Variants in CRTAP observed in about 807,000 individuals in gnomAD.
The protein encoded by CRTAP is cartilage associated protein, also known as cartilage-associated protein.
A neutral mutation model predicts 42.7 loss-of-function variants in CRTAP; 33 were observed. The observed-to-expected ratio is 0.77, with a 90% CI of 0.59 to 1.03. The LOEUF (loss-of-function observed/expected upper bound fraction) is 1.03, where lower values mean the gene tolerates loss of function less well. CRTAP is among the 50% of genes least tolerant of loss of function. The pLI is 0.00. For missense variants in CRTAP, 613 were observed against 533.9 expected (o/e 1.15, Z -1.46); for synonymous variants, 243 against 217.7 (o/e 1.12, Z -1.02).
chr3:33,118,297 T>G (rs998061585), intron 1 of CRTAP, among the ~76,000 whole-genome samples: 1 of 152,194 alleles, frequency 6.6e-6, no homozygotes, highest in African/African-American at 2.4e-5. Flanking sequence ...TGAGAATTAG[T>G]GACTCTAATT....
At position 33,132,591 on chromosome 3, in the gene CRTAP, G is replaced by A. The variant is rs2125603844; in HGVS notation, c.959G>A (p.Ser320Asn). The A allele has an allele frequency of 5.6e-6, 9 of 1,614,158 alleles. No individual in the cohort carries two copies. The highest frequency in any genetic ancestry group is 7.6e-6 in the Non-Finnish European group (9 of 1,180,002). Reference protein sequence around the residue: ...DLKNAAPCAVSYLLFDQNDKV... With the variant: ...DLKNAAPCAVNYLLFDQNDKV... The stretch of plus-strand genomic sequence containing the variant: ...AAGAATGCAGCCCCCTGTGCAGTCA[G>A]CTATCTGCTCTTTGATCAGAATGAC... Residue 320 changes from serine (S) to asparagine (N), a missense_variant, in exon 5 of 7, where the codon AGC becomes AAC. Physicochemically the swap from Ser to Asn is conservative, Grantham distance 46. Coordinates refer to ENST00000320954, the MANE Select transcript of CRTAP (RefSeq NM_006371.5).
At chr3:33,114,629 GGGCCGCGTTGCC>G in intron 1 of CRTAP, 81 bp downstream of exon 1, 1 of 1,361,236 alleles carries the variant, frequency 7.3e-7, no homozygotes, top group Non-Finnish European at 1.0e-6. Flanking sequence ...CCTGCGCCCG[GGGCCGCGTTGCC>G]CCTCCAGTTC....
chr3:33,138,268 T>C (rs1342017156), intron 6 of CRTAP, among the ~76,000 whole-genome samples: 1 of 152,182 alleles, frequency 6.6e-6, no homozygotes, highest in Non-Finnish European at 1.5e-5. Context: ...GTTTAGCTTT[T>C]CAGTTTTTGC....
Position 33,127,588 on chromosome 3 carries a change from C to T in CRTAP, c.794-2351C>T, listed in dbSNP as rs147243070. ...TCAGCCTCCCGAGTAGCTGGGATTA[C>T]AGGCATGCACCAACACGTCTGGCTA... On this transcript the variant is annotated intron_variant, in intron 3 of 6. Transcript: ENST00000320954. Among the ~76,000 whole-genome samples, 411 of 151,868 alleles carry T rather than the reference C, an allele frequency of 2.7e-3. 1 individual carries two copies. Among genetic ancestry groups the T allele is most frequent in the African/African-American group, 9.5e-3 (392 of 41,376 alleles).
chr3:33,137,099 G>A (rs1440958716), intron 6 of CRTAP, among the ~76,000 whole-genome samples: 4 of 151,842 alleles, frequency 2.6e-5, no homozygotes, highest in Non-Finnish European at 5.9e-5. Flanking sequence ...GCTAGTGGAT[G>A]CAAGTAGTAT....
intron 6 of CRTAP, among the ~76,000 whole-genome samples, chr3:33,142,090 A>AGGG (rs2030589201): frequency 6.6e-6 from 1 of 152,158 alleles, no homozygotes; most frequent in Non-Finnish European, 1.5e-5. Flanking sequence ...GAGGGGAGGA[A>AGGG]GGGGAGTAGG....
At chr3:33,128,995 T>G (rs1354521975) in intron 3 of CRTAP, among the ~76,000 whole-genome samples, 3 of 152,274 alleles carry the variant, frequency 2.0e-5, no homozygotes, top group African/African-American at 7.2e-5. Context: ...TAGGTTCACC[T>G]TACTCTCTTT....
intron 2 of CRTAP, among the ~76,000 whole-genome samples, chr3:33,122,898 G>A (rs13082378): frequency 1.3e-5 from 2 of 151,604 alleles, no homozygotes; most frequent in East Asian, 3.9e-4. Flanking sequence ...AGCAGGTTTT[G>A]TGTGTATCCA....
At chr3:33,131,253 G>GTT (rs57105062) in intron 4 of CRTAP, among the ~76,000 whole-genome samples, 50 of 140,508 alleles carry the variant, frequency 3.6e-4, no homozygotes, top group African/African-American at 1.1e-3. Flanking sequence ...TGGTAATTGT[G>GTT]TTTTTTTTTT....
chr3:33,120,234 GA>G, intron 1 of CRTAP, 109 bp from the exon 2 acceptor site: 2 of 1,013,516 alleles, frequency 2.0e-6, no homozygotes, highest in Non-Finnish European at 3.1e-6. Flanking sequence ...CCTTTAGCTG[GA>G]AAAGTTATAG....
In CRTAP at chr3:33,114,050, C is replaced by G; in HGVS notation, c.-28C>G. The G allele has an allele frequency of 7.4e-7, 1 of 1,345,080 alleles. No homozygotes were observed. Among genetic ancestry groups the G allele is most frequent in the Non-Finnish European group, 9.8e-7 (1 of 1,019,926 alleles). The allele number at this position is 1,345,080 out of a possible 1,614,324, so 83.3% of individuals were successfully genotyped here. A position where few individuals can be genotyped will look rare whatever the true frequency, so the allele number is the denominator to read the frequency against. On this transcript the variant is annotated 5_prime_UTR_variant, in exon 1 of 7. Transcript: ENST00000320954. ...CCCTCCCCTTTTCCCTTCCTTCGTC[C>G]CTTCCTTCCTTCCTTTCGCCGGGCG...
At chr3:33,122,493 G>A (rs921908204) in intron 2 of CRTAP, among the ~76,000 whole-genome samples, 3 of 151,900 alleles carry the variant, frequency 2.0e-5, no homozygotes, top group African/African-American at 4.8e-5. Flanking sequence ...TGGATCACGA[G>A]GTCAGGAGTT....
In CRTAP at chr3:33,114,459, G is replaced by A; in HGVS notation, c.382G>A (p.Ala128Thr). ...CAAGCGCTGCAAGCAGGGCCTGCCA[G>A]CCTTCCGCCAGTCCCAGCCCAGCCG... is the stretch of plus-strand genomic sequence containing the variant. The part of the protein sequence containing the change: ...CLKRCKQGLP[A>T]FRQSQPSREV... Residue 128 changes from alanine to threonine, a missense_variant, in exon 1 of 7, where the codon GCC becomes ACC. Ala to Thr is a moderately conservative substitution (Grantham distance 58, BLOSUM62 0). Coordinates refer to ENST00000320954, the MANE Select transcript of CRTAP (RefSeq NM_006371.5). The A allele has an allele frequency of 6.3e-7, 1 of 1,587,746 alleles. No homozygotes were observed. Among genetic ancestry groups the A allele is most frequent in the Non-Finnish European group, 8.6e-7 (1 of 1,169,308 alleles).
chr3:33,144,306 T>A lies in CRTAP; in HGVS notation c.*1858T>A, dbSNP rs4678476. 0.93 allele frequency: 141,985 copies of A among 152,326 alleles called. 66,620 individuals carry two copies. Among genetic ancestry groups the A allele is most frequent in the Non-Finnish European group, 0.99 (67,598 of 68,094 alleles). 9.4% of individuals were successfully genotyped at this position (152,326 alleles called of 1,614,324 possible). ...TAGGGAAGGATGGGCTGGGTAAGTA[T>A]GGAATTTGGTGCAAAGCAGGCTGTC... On this transcript the variant is annotated 3_prime_UTR_variant, in exon 7 of 7. Coordinates refer to ENST00000320954, the MANE Select transcript of CRTAP (RefSeq NM_006371.5).
At chr3:33,116,744 T>C (rs1701347302) in intron 1 of CRTAP, among the ~76,000 whole-genome samples, 1 of 152,220 alleles carries the variant, frequency 6.6e-6, no homozygotes, top group African/African-American at 2.4e-5. Context: ...GTTACTTAAT[T>C]GTTTCAATGG....
intron 3 of CRTAP, among the ~76,000 whole-genome samples, chr3:33,126,112 G>A (rs759898875): frequency 2.6e-5 from 4 of 152,082 alleles, no homozygotes; most frequent in African/African-American, 4.8e-5. Context: ...CTCTGTATGC[G>A]ATAACTCCCC....
chr3:33,114,073 G>C lies in CRTAP; in HGVS notation c.-5G>C. 6.9e-7 allele frequency: 1 copy of C among 1,457,694 alleles called. No individual in the cohort carries two copies. Among genetic ancestry groups the C allele is most frequent in the South Asian group, 1.3e-5 (1 of 75,494 alleles). 90.3% of individuals were successfully genotyped at this position (1,457,694 alleles called of 1,614,324 possible). On this transcript the variant is annotated 5_prime_UTR_variant, in exon 1 of 7. Coordinates refer to ENST00000320954, the MANE Select transcript of CRTAP (RefSeq NM_006371.5). ...TCCCTTCCTTCCTTCCTTTCGCCGG[G>C]CGCGATGGAGCCGGGGCGCCGGGGG...
Position 33,132,688 on chromosome 3 carries a change from C to G in CRTAP, c.1056C>G (p.Phe352Leu). ...RDTWGLSDEH[F>L]QPRPEAVQFF... is the part of the protein sequence containing the mutation. ...CTTGGGGCCTCTCGGATGAGCACTTCCAGCCCAGACCTGTAAGTCTGGTGC... is the reference window on the plus strand; with the variant it reads ...CTTGGGGCCTCTCGGATGAGCACTTGCAGCCCAGACCTGTAAGTCTGGTGC... The change falls in exon 5 of 7, where the codon TTC becomes TTG. Residue 352 changes from phenylalanine (F) to leucine (L), a missense_variant. Physicochemically the swap from Phe to Leu is conservative, Grantham distance 22. Transcript: ENST00000320954. 2.5e-6 allele frequency: 4 copies of G among 1,614,016 alleles called. No homozygotes were observed. The highest frequency in any genetic ancestry group is 2.7e-5 in the African/African-American group (2 of 75,052).
intron 3 of CRTAP, among the ~76,000 whole-genome samples, chr3:33,128,556 C>T (rs538381940): frequency 6.6e-6 from 1 of 152,246 alleles, no homozygotes; most frequent in South Asian, 2.1e-4. Context: ...TGTTTGTTTG[C>T]ACCCTTATTG....
Sources: gnomAD v4.1 joint callset for allele counts (sites outside exome capture counted in the v4.1 genomes callset) on GRCh38, gnomAD v4.1.1 for gene constraint, MANE v1.5 for transcripts, NCBI Gene and HGNC (gene_info 2026-07-23, HGNC 2026-07-21) for gene names.